SNAI3: variants seen among roughly 807,000 people sequenced by gnomAD.
SNAI3 encodes zinc finger protein SNAI3.
A neutral mutation model predicts 16.4 loss-of-function variants in SNAI3; 21 were observed. The observed-to-expected ratio is 1.28, with a 90% CI of 0.91 to 1.85. The LOEUF (loss-of-function observed/expected upper bound fraction) is 1.85. Among genes scored for constraint, SNAI3 ranks in the 40% most tolerant of loss-of-function variants. SNAI3 has a pLI of 0.00. For synonymous variants in SNAI3, 202 were observed against 166.6 expected, an observed-to-expected ratio of 1.21 and a Z score of -1.64; for missense variants, 457 against 372.8, an observed-to-expected ratio of 1.23 and a Z score of -1.86.
chr16:88,678,247 G>T lies in SNAI3; in HGVS notation c.*201C>A. The T allele has an allele frequency of 1.8e-6, 1 of 559,226 alleles. No individual in the cohort carries two copies. The highest frequency in any genetic ancestry group is 2.2e-5 in the South Asian group (1 of 44,962). The allele number at this position is 559,226 out of a possible 1,614,324, so 34.6% of individuals were successfully genotyped here. A position where few individuals can be genotyped will look rare whatever the true frequency, so the allele number is the denominator to read the frequency against. ...AGTCTCCTCTGAGTGGGCTCCGCGC[G>T]GTGGGATGCCTGGGGGAGTGTCCTC... On this transcript the variant is annotated 3_prime_UTR_variant, in exon 3 of 3. Transcript: ENST00000332281.
intron 2 of SNAI3, among the ~76,000 whole-genome samples, chr16:88,679,938 G>A (rs890978747): frequency 6.6e-6 from 1 of 151,842 alleles, no homozygotes; most frequent in African/African-American, 2.4e-5. Flanking sequence ...AAAATTGGCT[G>A]GGCATGGTGA....
chr16:88,678,753 A>T, intron 2 of SNAI3, 124 bp from the exon 3 acceptor site: 1 of 1,450,764 alleles, frequency 6.9e-7, no homozygotes, highest in Non-Finnish European at 9.1e-7. Context: ...AGAGCACCCA[A>T]GGTTGAGCTG....
In SNAI3 at chr16:88,686,430, G is replaced by T. The variant is rs772503580; in HGVS notation, c.-24C>A. 1 of 1,604,426 alleles carries T rather than the reference G, an allele frequency of 6.2e-7. No homozygotes were observed. Among genetic ancestry groups the T allele is most frequent in the Non-Finnish European group, 8.5e-7 (1 of 1,177,660 alleles). ...ATGTTCCCCTCCCGGGCGGCAGGCC[G>T]GGGTGGGCTGGGGCGGGAGGGGCGC... On this transcript the variant is annotated 5_prime_UTR_variant, in exon 1 of 3. Transcript: ENST00000332281.
In SNAI3 at chr16:88,682,762, A is replaced by ATTTTTTTTTTTTTTTTTTTTTTTTTTTT. The variant is rs71158747; in HGVS notation, c.77-1076_77-1049dup. Reference sequence around the variant, plus strand: ...AATACAATTTTAATATGGGCAAGGGATTTTTTTTTTTTTTTTTTTTTTTTT... The same window carrying ATTTTTTTTTTTTTTTTTTTTTTTTTTTT: ...AATACAATTTTAATATGGGCAAGGGATTTTTTTTTTTTTTTTTTTTTTTTTTTTTTTTTTTTTTTTTTTTTTTTTTTTT... On this transcript the variant is annotated intron_variant, in intron 1 of 2. Transcript: ENST00000332281. Among the ~76,000 whole-genome samples the ATTTTTTTTTTTTTTTTTTTTTTTTTTTT allele has an allele frequency of 2.5e-4, 15 of 60,698 alleles. 2 individuals carry two copies. Among genetic ancestry groups the ATTTTTTTTTTTTTTTTTTTTTTTTTTTT allele is most frequent in the Admixed American group, 1.1e-3 (4 of 3,744 alleles). The allele number at this position is 60,698 out of a possible 152,430, so 39.8% of individuals were successfully genotyped here.
chr16:88,678,259 G>T lies in SNAI3; in HGVS notation c.*189C>A. 2 of 568,428 alleles carry T rather than the reference G, an allele frequency of 3.5e-6. No homozygotes were observed. The highest frequency in any genetic ancestry group is 4.3e-5 in the South Asian group (2 of 46,718). The allele number at this position is 568,428 out of a possible 1,614,324, so 35.2% of individuals were successfully genotyped here. On this transcript the variant is annotated 3_prime_UTR_variant, in exon 3 of 3. Transcript: ENST00000332281. ...GTGGGCTCCGCGCGGTGGGATGCCTGGGGGAGTGTCCTCCGGCCCAGTGGC... is the reference window on the plus strand; with the variant it reads ...GTGGGCTCCGCGCGGTGGGATGCCTTGGGGAGTGTCCTCCGGCCCAGTGGC...
rs769987870 is a variant in SNAI3 at position 88,681,446 on chromosome 16, G to T, written c.345C>A (p.Pro115=). 134 of 1,604,074 alleles carry T rather than the reference G, an allele frequency of 8.4e-5. No individual in the cohort carries two copies. Among genetic ancestry groups the T allele is most frequent in the Non-Finnish European group, 1.1e-4 (128 of 1,173,064 alleles). The change falls in exon 2 of 3, where the codon CCC becomes CCA. Residue 115 remains proline, a synonymous_variant. Transcript: ENST00000332281. The surrounding 1 kb of genome is among the most constrained non-coding windows in gnomAD (Gnocchi z 5.4). Reference sequence around the variant, plus strand: ...ACCGTGTGGGCAGCACCAGCAGTGGGGGCAGGTTGAGGTGGTTCAGGCTGT... The same window carrying T: ...ACCGTGTGGGCAGCACCAGCAGTGGTGGCAGGTTGAGGTGGTTCAGGCTGT... ...LKDSLNHLNL[P]PLLVLPTRWS... is the part of the protein sequence containing the mutation.
chr16:88,679,349 A>C (rs1281006258), intron 2 of SNAI3, among the ~76,000 whole-genome samples: 2 of 152,118 alleles, frequency 1.3e-5, no homozygotes, highest in Non-Finnish European at 2.9e-5. Context: ...AAAAACCAGA[A>C]AGGATTTCCC....
chr16:88,680,456 T>G (rs927451493), intron 2 of SNAI3, among the ~76,000 whole-genome samples: 7 of 151,878 alleles, frequency 4.6e-5, no homozygotes, highest in Admixed American at 3.9e-4. Context: ...CGGCTAATTT[T>G]TGTATTTTTA....
chr16:88,679,497 C>A (rs972618425), intron 2 of SNAI3, among the ~76,000 whole-genome samples: 1 of 152,002 alleles, frequency 6.6e-6, no homozygotes, highest in Non-Finnish European at 1.5e-5. Flanking sequence ...CGCAGTGGCT[C>A]ACACCTGTAA....
chr16:88,681,818 C>A lies in SNAI3; in HGVS notation c.77-104G>T. On this transcript the variant is annotated intron_variant, in intron 1 of 2. Coordinates refer to ENST00000332281, the MANE Select transcript of SNAI3 (RefSeq NM_178310.4). This position sits in a 1 kb window ranked among gnomAD's most constrained non-coding sequence, Gnocchi z 5.4. ...GACCCAGTCACAGCCCATCAGCAGCCTGGCGTGGGAGGTGTAGCCGGGAAC... is the reference window on the plus strand; with the variant it reads ...GACCCAGTCACAGCCCATCAGCAGCATGGCGTGGGAGGTGTAGCCGGGAAC... 8.0e-7 allele frequency: 1 copy of A among 1,249,634 alleles called. No homozygotes were observed. The highest frequency in any genetic ancestry group is 1.5e-5 in the African/African-American group (1 of 65,262). 77.4% of individuals were successfully genotyped at this position (1,249,634 alleles called of 1,614,324 possible).
At chr16:88,680,929 A>G (rs536385018) in intron 2 of SNAI3, among the ~76,000 whole-genome samples, 165 bp downstream of exon 2, 5 of 152,294 alleles carry the variant, frequency 3.3e-5, no homozygotes, top group Non-Finnish European at 5.9e-5. Context: ...TCTGGCCTCT[A>G]GTCTGTGGTC....
chr16:88,684,379 C>A (rs1369814104), intron 1 of SNAI3, among the ~76,000 whole-genome samples: 1 of 152,246 alleles, frequency 6.6e-6, no homozygotes, highest in Non-Finnish European at 1.5e-5. Context: ...GACAGTCTCG[C>A]CCCGTCAGGC....
chr16:88,683,976 A>T (rs1328551890), intron 1 of SNAI3, among the ~76,000 whole-genome samples: 1 of 152,190 alleles, frequency 6.6e-6, no homozygotes, highest in Non-Finnish European at 1.5e-5. Context: ...AGATGCTCAC[A>T]CCCAGTAGAA....
chr16:88,681,046 C>G lies in SNAI3; in HGVS notation c.697+48G>C, dbSNP rs141158891. 3,321 of 1,575,950 alleles carry G rather than the reference C, an allele frequency of 2.1e-3. 48 individuals carry two copies. The South Asian group carries it at 0.021, about 10-fold the overall frequency. On this transcript the variant is annotated intron_variant, in intron 2 of 2. Coordinates refer to ENST00000332281, the MANE Select transcript of SNAI3 (RefSeq NM_178310.4). This position sits in a 1 kb window ranked among gnomAD's most constrained non-coding sequence, Gnocchi z 5.4. ...CCTTTTCTAACTCCCGCAGCCCACCCTCTTCCCCCAGCCCAGACCGTCCTT... is the reference window on the plus strand; with the variant it reads ...CCTTTTCTAACTCCCGCAGCCCACCGTCTTCCCCCAGCCCAGACCGTCCTT...
In SNAI3 at chr16:88,678,463, G is replaced by T; in HGVS notation, c.864C>A (p.Cys288Ter). The change falls in exon 3 of 3, where the codon TGC becomes TGA. Residue 288 changes from cysteine to a stop codon, truncating the protein, a stop_gained. Transcript: ENST00000332281. LOFTEE classifies it high-confidence loss of function. ...CACGTGCCTCTCAGGGGCCCGGGCA[G>T]CAGCCAGACTCCTCATGCCGCGCCA... ...SLLARHEESGCCPGP is the reference protein window; with the variant it reads ...SLLARHEESG 1 of 773,330 alleles carries T rather than the reference G, an allele frequency of 1.3e-6. No homozygotes were observed. Among genetic ancestry groups the T allele is most frequent in the South Asian group, 1.3e-5 (1 of 74,550 alleles). 47.9% of individuals were successfully genotyped at this position (773,330 alleles called of 1,614,324 possible). A position where few individuals can be genotyped will look rare whatever the true frequency, so the allele number is the denominator to read the frequency against.
rs1057383809 is a variant in SNAI3, at chr16:88,678,773, G to A, written c.698-144C>T. ...ACCCAAGGTTGAGCTGTGTGGGGAC[G>A]GGGTGGCACGCCACATCACCTGAAG... On this transcript the variant is annotated intron_variant, in intron 2 of 2. Coordinates refer to ENST00000332281, the MANE Select transcript of SNAI3 (RefSeq NM_178310.4). 3.6e-5 allele frequency: 51 copies of A among 1,432,330 alleles called. No individual in the cohort carries two copies. The African/African-American group carries it at 4.2e-4, about 12-fold the overall frequency. The allele number at this position is 1,432,330 out of a possible 1,614,324, so 88.7% of individuals were successfully genotyped here. A position where few individuals can be genotyped will look rare whatever the true frequency, so the allele number is the denominator to read the frequency against.
Position 88,681,055 on chromosome 16 carries a change from C to A in SNAI3, c.697+39G>T, listed in dbSNP as rs769912891. On this transcript the variant is annotated intron_variant, in intron 2 of 2. Coordinates refer to ENST00000332281, the MANE Select transcript of SNAI3 (RefSeq NM_178310.4). The surrounding 1 kb of genome is among the most constrained non-coding windows in gnomAD (Gnocchi z 5.4). ...ACTCCCGCAGCCCACCCTCTTCCCC[C>A]AGCCCAGACCGTCCTTGCAGACCTT... The A allele has an allele frequency of 6.3e-7, 1 of 1,581,760 alleles. No homozygotes were observed. Among genetic ancestry groups the A allele is most frequent in the Admixed American group, 1.7e-5 (1 of 58,726 alleles).
intron 1 of SNAI3, chr16:88,686,083 A>C (rs1300241437): frequency 9.4e-6 from 5 of 530,602 alleles, no homozygotes; most frequent in East Asian, 6.3e-5. Flanking sequence ...TAGAAAACTT[A>C]GAAAACTTCT....
intron 1 of SNAI3, among the ~76,000 whole-genome samples, chr16:88,682,267 T>C (rs1479764798): frequency 6.6e-6 from 1 of 152,234 alleles, no homozygotes; most frequent in Non-Finnish European, 1.5e-5. Context: ...AACGAGGCAG[T>C]GAGCTCAGAA....
Sources: allele counts gnomAD v4.1 joint callset (sites outside exome capture counted in the v4.1 genomes callset), GRCh38; gene constraint gnomAD v4.1.1; non-coding constraint Gnocchi (gnomAD v3.1); transcripts MANE v1.5; gene names NCBI Gene and HGNC (gene_info 2026-07-23, HGNC 2026-07-21).